Variants in RMND5A observed in about 807,000 individuals in gnomAD.
RMND5A encodes required for meiotic nuclear division 5 homolog A.
Under a neutral mutation model 49.7 loss-of-function variants are expected in RMND5A, and 17 were observed. The observed-to-expected ratio is 0.34, with a 90% CI of 0.23 to 0.51. The LOEUF is 0.51. Among genes scored for constraint, RMND5A ranks in the 20% least tolerant of loss-of-function variants. The pLI is 0.96. For synonymous variants in RMND5A, 156 were observed against 167.7 expected, an observed-to-expected ratio of 0.93 and a Z score of 0.54; for missense variants, 255 against 471.3, an observed-to-expected ratio of 0.54 and a Z score of 4.25.
Position 86,773,407 on chromosome 2 carries a change from T to C in RMND5A, c.1172T>C (p.Phe391Ser). The C allele has an allele frequency of 6.3e-7, 1 of 1,598,048 alleles. No homozygotes were observed. The highest frequency in any genetic ancestry group is 8.6e-7 in the Non-Finnish European group (1 of 1,165,580). ...CCAGGAGATGCCAAACAGATATTTTTCTGAAGAGATAACTTTAGTTTGCAA... is the reference window on the plus strand; with the variant it reads ...CCAGGAGATGCCAAACAGATATTTTCCTGAAGAGATAACTTTAGTTTGCAA... ...QSPGDAKQIF[F>S] Residue 391 changes from phenylalanine to serine, a missense_variant, in exon 9 of 9, where the codon TTC becomes TCC. Around this residue, in one of 3 missense-constraint regions of RMND5A, gnomAD observed 208 missense variants for 339.8 expected, o/e 0.61. Coordinates refer to ENST00000283632, the MANE Select transcript of RMND5A (RefSeq NM_022780.4).
At chr2:86,773,223 C>G in intron 8 of RMND5A, 125 bp from the exon 9 acceptor site, 1 of 480,016 alleles carries the variant, frequency 2.1e-6, no homozygotes, top group Non-Finnish European at 3.7e-6. Flanking sequence ...AAAATACAAA[C>G]AGACTTGTTT....
At chr2:86,752,827 C>G (rs1157322809) in intron 3 of RMND5A, among the ~76,000 whole-genome samples, 1 of 152,202 alleles carries the variant, frequency 6.6e-6, no homozygotes, top group Non-Finnish European at 1.5e-5. Context: ...AACCAAACCT[C>G]TAATCTAAGC....
intron 4 of RMND5A, among the ~76,000 whole-genome samples, chr2:86,757,913 C>G (rs1681771203): frequency 6.6e-6 from 1 of 152,176 alleles, no homozygotes; most frequent in South Asian, 2.1e-4. Context: ...ATGTGGAAGG[C>G]ACATGAGCTT....
chr2:86,759,748 C>T (rs943089459), intron 4 of RMND5A, among the ~76,000 whole-genome samples: 2 of 151,256 alleles, frequency 1.3e-5, no homozygotes, highest in Non-Finnish European at 2.9e-5. Context: ...TGCAGTGAGC[C>T]GAGATCACGC....
intron 6 of RMND5A, 67 bp downstream of exon 6, chr2:86,766,091 G>C (rs904720604): frequency 5.8e-6 from 8 of 1,368,124 alleles, no homozygotes; most frequent in Non-Finnish European, 7.9e-6. Context: ...TAACTTGTTT[G>C]GTTCTTGATG....
intron 2 of RMND5A, among the ~76,000 whole-genome samples, chr2:86,742,095 GACAAGA>G (rs1367898461): frequency 7.6e-6 from 1 of 131,380 alleles, no homozygotes; most frequent in Non-Finnish European, 1.6e-5. Flanking sequence ...GGTGTGGTAT[GACAAGA>G]CTGTGAGTGG....
At chr2:86,770,831 C>T (rs1298457793) in intron 7 of RMND5A, among the ~76,000 whole-genome samples, 5 of 152,128 alleles carry the variant, frequency 3.3e-5, no homozygotes, top group South Asian at 4.1e-4. Context: ...TGTGAAGTGG[C>T]GAAGGTCATT....
chr2:86,759,198 A>G (rs144714202), intron 4 of RMND5A, among the ~76,000 whole-genome samples: 11 of 152,348 alleles, frequency 7.2e-5, no homozygotes, highest in African/African-American at 2.4e-4. Flanking sequence ...GAGAACCGCT[A>G]ACTATGAAGG....
chr2:86,769,935 A>C lies in RMND5A; in HGVS notation c.855-88A>C, dbSNP rs1672661739. ...CTGTCCAGTGGCCAGGGTCTGCAGCACATAGAGTCTGGAGAAATTGATGTC... is the reference window on the plus strand; with the variant it reads ...CTGTCCAGTGGCCAGGGTCTGCAGCCCATAGAGTCTGGAGAAATTGATGTC... On this transcript the variant is annotated intron_variant, in intron 6 of 8. Transcript: ENST00000283632. 1.0e-5 allele frequency: 9 copies of C among 873,746 alleles called. No homozygotes were observed. In the Admixed American group the frequency reaches 1.1e-4, roughly 11 times the overall value. 54.1% of individuals were successfully genotyped at this position (873,746 alleles called of 1,614,324 possible).
intron 7 of RMND5A, 40 bp from the exon 8 acceptor site, chr2:86,771,518 A>G (rs1329508944): frequency 5.1e-6 from 8 of 1,569,858 alleles, no homozygotes; most frequent in Non-Finnish European, 6.9e-6. Flanking sequence ...TTTGTGAAAT[A>G]TGACTTCAGC....
At chr2:86,756,017 A>T (rs1681730917) in intron 4 of RMND5A, among the ~76,000 whole-genome samples, 1 of 152,176 alleles carries the variant, frequency 6.6e-6, no homozygotes, top group African/African-American at 2.4e-5. Context: ...CCTCTGTGAA[A>T]AAAAGTCAAA....
chr2:86,745,848 G>A (rs1220146488), intron 2 of RMND5A, among the ~76,000 whole-genome samples: 1 of 152,114 alleles, frequency 6.6e-6, no homozygotes, highest in Non-Finnish European at 1.5e-5. Flanking sequence ...GGAAGTAGTG[G>A]ATCAAGGTTT....
At chr2:86,749,347 G>C (rs767833514) in intron 2 of RMND5A, among the ~76,000 whole-genome samples, 5 of 152,002 alleles carry the variant, frequency 3.3e-5, no homozygotes, top group African/African-American at 4.8e-5. Context: ...TATATGCATG[G>C]ATGCTCTTGC....
Position 86,751,967 on chromosome 2 carries a change from T to C in RMND5A, c.357T>C (p.Asn119=). The C allele has an allele frequency of 6.2e-7, 1 of 1,613,918 alleles. No homozygotes were observed. Among genetic ancestry groups the C allele is most frequent in the South Asian group, 1.1e-5 (1 of 91,066 alleles). ...CWQADSQRLL[N]EVMVEHFFRQ... ...AGGCAGACAGCCAAAGGCTTCTCAATGAGGTGATGGTGGAGCACTTCTTTC... is the reference window on the plus strand; with the variant it reads ...AGGCAGACAGCCAAAGGCTTCTCAACGAGGTGATGGTGGAGCACTTCTTTC... The change falls in exon 3 of 9, where the codon AAT becomes AAC. Residue 119 remains asparagine (N), a synonymous_variant. Coordinates refer to ENST00000283632, the MANE Select transcript of RMND5A (RefSeq NM_022780.4).
At chr2:86,734,621 AT>A (rs1398555008) in intron 1 of RMND5A, among the ~76,000 whole-genome samples, 3 of 135,164 alleles carry the variant, frequency 2.2e-5, no homozygotes, top group African/African-American at 9.7e-5. Context: ...CGCCCAGCTA[AT>A]TTTTGTATTT....
In RMND5A at chr2:86,732,223, T is replaced by A. The variant is rs1681343285; in HGVS notation, c.143-8704T>A. ...TTTTATTATCTCCTGATGGCAGACA[T>A]TTCAGGCTGCAACATGGTGTGCTGC... On this transcript the variant is annotated intron_variant, in intron 1 of 8. Coordinates refer to ENST00000283632, the MANE Select transcript of RMND5A (RefSeq NM_022780.4). Among the ~76,000 whole-genome samples, 3 of 145,712 alleles carry A rather than the reference T, an allele frequency of 2.1e-5. No individual in the cohort carries two copies. In the South Asian group the frequency reaches 6.4e-4, roughly 31 times the overall value.
intron 1 of RMND5A, among the ~76,000 whole-genome samples, chr2:86,721,796 GT>G: frequency 6.7e-6 from 1 of 149,914 alleles, no homozygotes; most frequent in Non-Finnish European, 1.5e-5. Flanking sequence ...GTGAAGGACG[GT>G]TTGGTAGCTG....
chr2:86,741,474 T>G (rs1463681649), intron 2 of RMND5A, among the ~76,000 whole-genome samples: 6 of 149,268 alleles, frequency 4.0e-5, no homozygotes, highest in Non-Finnish European at 8.9e-5. Flanking sequence ...AACAGCCTTG[T>G]ATCAGTCTCC....
At position 86,734,100 on chromosome 2, in the gene RMND5A, TTCTC is replaced by T. The variant is rs1332714813; in HGVS notation, c.143-6823_143-6820del. ...ATTTGAAAATGCATTAGTGAACTCT[TTCTC>T]TCTTAACAGGGCTTTCCCAGGGTTC... On this transcript the variant is annotated intron_variant, in intron 1 of 8. Transcript: ENST00000283632. 2.1e-5 allele frequency among the ~76,000 whole-genome samples: 3 copies of T among 141,484 alleles called. No individual in the cohort carries two copies. The East Asian group carries it at 6.1e-4, about 29-fold the overall frequency. 92.8% of individuals were successfully genotyped at this position (141,484 alleles called of 152,430 possible). A position where few individuals can be genotyped will look rare whatever the true frequency, so the allele number is the denominator to read the frequency against.
Sources: gnomAD v4.1 joint callset for allele counts (sites outside exome capture counted in the v4.1 genomes callset) on GRCh38, gnomAD v4.1.1 for gene constraint, gnomAD v4.1.1 regional missense constraint, MANE v1.5 for transcripts, NCBI Gene and HGNC (gene_info 2026-07-23, HGNC 2026-07-21) for gene names.